The following NAV2 variants were observed in gnomAD, a reference collection of about 807,000 sequenced individuals.
NAV2 encodes neuron navigator 2.
NAV2 carries 54 observed loss-of-function variants against 223.2 expected under a neutral mutation model. The ratio of observed to expected loss-of-function variants is 0.24; its 90% CI spans 0.19 to 0.30. NAV2 has a LOEUF of 0.30. Among genes scored for constraint, NAV2 ranks in the 10% least tolerant of loss-of-function variants. The pLI is 1.00. For missense variants in NAV2, 2,806 were observed against 3,147.5 expected (o/e 0.89, Z 2.60); for synonymous variants, 1,279 against 1,239.3 (o/e 1.03, Z -0.67).
chr11:19,936,138 G>C (rs1364739558), intron 7 of NAV2, among the ~76,000 whole-genome samples: 1 of 151,700 alleles, frequency 6.6e-6, no homozygotes, highest in Admixed American at 6.6e-5. Flanking sequence ...TAAAGTGCTA[G>C]GATTACAGGC....
intron 1 of NAV2, among the ~76,000 whole-genome samples, chr11:19,747,095 C>T (rs1248645825): frequency 1.7e-5 from 2 of 121,078 alleles, no homozygotes; most frequent in Non-Finnish European, 3.5e-5. Flanking sequence ...TTCCTGTGTC[C>T]ATGTGTTCTC....
intron 14 of NAV2, among the ~76,000 whole-genome samples, chr11:20,046,396 T>G (rs1218532627): frequency 6.6e-6 from 1 of 152,016 alleles, no homozygotes; most frequent in Non-Finnish European, 1.5e-5. Context: ...TGATACACCC[T>G]TGGACCTAGG....
At chr11:20,014,133 A>G (rs1253060426) in intron 11 of NAV2, among the ~76,000 whole-genome samples, 3 of 152,286 alleles carry the variant, frequency 2.0e-5, no homozygotes, top group South Asian at 2.1e-4. Flanking sequence ...GGGGCTGCCA[A>G]TGATGAGCAC....
intron 1 of NAV2, among the ~76,000 whole-genome samples, chr11:19,614,118 T>C (rs937890430): frequency 2.6e-5 from 4 of 151,712 alleles, no homozygotes; most frequent in African/African-American, 9.7e-5. Context: ...CTTGGTGGAG[T>C]CTCTGGTGCA....
intron 1 of NAV2, among the ~76,000 whole-genome samples, chr11:19,715,686 CT>C (rs933869901): frequency 6.6e-5 from 10 of 152,122 alleles, no homozygotes; most frequent in African/African-American, 2.4e-4. Context: ...ATTCATCACC[CT>C]GTCCGTGAAA....
chr11:19,807,316 C>T (rs1370961873), intron 1 of NAV2, among the ~76,000 whole-genome samples: 1 of 152,152 alleles, frequency 6.6e-6, no homozygotes, highest in African/African-American at 2.4e-5. Flanking sequence ...AACAGCCGGC[C>T]TCCTCCACCC....
At chr11:19,876,610 T>C (rs1300183925) in intron 4 of NAV2, among the ~76,000 whole-genome samples, 1 of 152,152 alleles carries the variant, frequency 6.6e-6, no homozygotes, top group African/African-American at 2.4e-5. Context: ...TAGGGAACAA[T>C]GGCCATTCTG....
rs2153275375 is a variant in NAV2, at chr11:19,933,444, C to T, written c.1200C>T (p.Ser400=). The T allele has an allele frequency of 6.3e-7, 1 of 1,599,602 alleles. No individual in the cohort carries two copies. The highest frequency in any genetic ancestry group is 1.7e-4 in the Middle Eastern group (1 of 5,934). ...AGCCGGCCCCCAACAATCAGAAGTC[C>T]ATGCTGGAAAAGCTGAAACTTTTCA... ...AMKPAPNNQK[S]MLEKLKLFNS... Residue 400 remains serine (S), a synonymous_variant, in exon 7 of 38, where the codon TCC becomes TCT. Transcript: ENST00000349880. The surrounding 1 kb of genome is among the most constrained non-coding windows in gnomAD (Gnocchi z 4.3).
intron 1 of NAV2, among the ~76,000 whole-genome samples, chr11:19,393,972 A>G (rs1209744217): frequency 6.8e-6 from 1 of 148,068 alleles, no homozygotes; most frequent in African/African-American, 2.5e-5. Context: ...GTTGTATCAG[A>G]AACTTCTCTT....
intron 7 of NAV2, among the ~76,000 whole-genome samples, chr11:19,938,569 T>G (rs553074790): frequency 6.6e-6 from 1 of 152,264 alleles, no homozygotes; most frequent in South Asian, 2.1e-4. Flanking sequence ...TTTAAAACTT[T>G]AAAATATTAT....
At chr11:19,406,336 T>C (rs1279497538) in intron 1 of NAV2, among the ~76,000 whole-genome samples, 22 of 152,108 alleles carry the variant, frequency 1.4e-4, no homozygotes, top group Admixed American at 1.4e-3. Flanking sequence ...GAGGGTCCTG[T>C]CTAATAGGAC....
intron 1 of NAV2, among the ~76,000 whole-genome samples, chr11:19,627,376 G>A (rs2047201308): frequency 6.6e-6 from 1 of 151,878 alleles, no homozygotes; most frequent in African/African-American, 2.4e-5. Context: ...ACAACAGAGC[G>A]AGACTCTGTC....
At chr11:19,966,078 T>C (rs1204449295) in intron 10 of NAV2, among the ~76,000 whole-genome samples, 2 of 152,202 alleles carry the variant, frequency 1.3e-5, no homozygotes, top group Non-Finnish European at 2.9e-5. Flanking sequence ...AGAAGCTGCC[T>C]CACCTTTTAT....
intron 26 of NAV2, among the ~76,000 whole-genome samples, chr11:20,085,083 A>G (rs1211241512): frequency 6.6e-6 from 1 of 151,820 alleles, no homozygotes; most frequent in Non-Finnish European, 1.5e-5. Flanking sequence ...AGTCCCAGCT[A>G]CTTGGGAGGC....
intron 1 of NAV2, among the ~76,000 whole-genome samples, chr11:19,441,378 A>C (rs1364168512): frequency 6.6e-6 from 1 of 152,086 alleles, no homozygotes. Flanking sequence ...ATCAAATCAC[A>C]TTGGCTGCTG....
chr11:19,364,933 G>A (rs539330890), intron 1 of NAV2, among the ~76,000 whole-genome samples: 6 of 152,104 alleles, frequency 3.9e-5, no homozygotes, highest in Non-Finnish European at 7.4e-5. Flanking sequence ...ACAATATTTC[G>A]GTTTTCGTTC....
intron 13 of NAV2, 36 bp downstream of exon 13, chr11:20,044,308 C>T: frequency 1.3e-6 from 2 of 1,562,974 alleles, no homozygotes; most frequent in Non-Finnish European, 1.7e-6. Context: ...CTACAGTTGA[C>T]ATTTTGAAAA....
chr11:20,013,507 CTG>C (rs2053748849), intron 11 of NAV2, among the ~76,000 whole-genome samples: 1 of 150,812 alleles, frequency 6.6e-6, no homozygotes, highest in Non-Finnish European at 1.5e-5. Flanking sequence ...GTAGACAAGA[CTG>C]TGGTTCAGAG....
intron 1 of NAV2, among the ~76,000 whole-genome samples, chr11:19,513,461 G>A (rs1365451117): frequency 1.3e-5 from 2 of 152,168 alleles, no homozygotes; most frequent in South Asian, 2.1e-4. Flanking sequence ...CAGCAGCAGG[G>A]CATCTCTGTG....
Sources: allele counts gnomAD v4.1 joint callset (sites outside exome capture counted in the v4.1 genomes callset), GRCh38; gene constraint gnomAD v4.1.1; non-coding constraint Gnocchi (gnomAD v3.1); transcripts MANE v1.5; gene names NCBI Gene and HGNC (gene_info 2026-07-23, HGNC 2026-07-21).